Variants in PDE7A observed in about 807,000 individuals in gnomAD.
PDE7A encodes phosphodiesterase 7A, also known as high affinity 3',5'-cyclic-AMP phosphodiesterase 7A.
A neutral mutation model predicts 64.3 loss-of-function variants in PDE7A; 39 were observed. The observed-to-expected ratio is 0.61, with a 90% CI of 0.47 to 0.79. The LOEUF is 0.79. Among genes scored for constraint, PDE7A ranks in the 30% least tolerant of loss-of-function variants. The probability of loss-of-function intolerance (pLI) is 0.00; values close to 1 mark genes in which losing one functional copy is unlikely to be tolerated. For missense variants in PDE7A, 470 were observed against 582.8 expected (o/e 0.81, Z 1.99); for synonymous variants, 203 against 206.8 (o/e 0.98, Z 0.16).
At chr8:65,826,223 C>T (rs2128933430) in intron 1 of PDE7A, among the ~76,000 whole-genome samples, 1 of 152,316 alleles carries the variant, frequency 6.6e-6, no homozygotes, top group East Asian at 1.9e-4. Context: ...GTGATGAGAA[C>T]ACACTGATGT....
At chr8:65,786,344 C>T (rs1168639356) in intron 1 of PDE7A, among the ~76,000 whole-genome samples, 2 of 152,070 alleles carry the variant, frequency 1.3e-5, no homozygotes, top group African/African-American at 2.4e-5. Flanking sequence ...CTGAACCCAT[C>T]AACAAATACA....
chr8:65,744,328 T>G (rs972358669), intron 5 of PDE7A, among the ~76,000 whole-genome samples: 1 of 152,218 alleles, frequency 6.6e-6, no homozygotes, highest in Non-Finnish European at 1.5e-5. Flanking sequence ...CTAGAAAAGC[T>G]ACCCAAATAA....
At chr8:65,823,048 TTTTA>T (rs1216374000) in intron 1 of PDE7A, among the ~76,000 whole-genome samples, 7 of 152,118 alleles carry the variant, frequency 4.6e-5, no homozygotes, top group African/African-American at 1.2e-4. Flanking sequence ...AATCTTCAAG[TTTTA>T]TTTTTCTATT....
chr8:65,772,497 A>C (rs1308018438), intron 3 of PDE7A, among the ~76,000 whole-genome samples: 1 of 152,228 alleles, frequency 6.6e-6, no homozygotes, highest in Non-Finnish European at 1.5e-5. Flanking sequence ...CAAATTCCTA[A>C]TCCAAGGAAC....
At chr8:65,730,257 C>T (rs1048849948) in intron 7 of PDE7A, among the ~76,000 whole-genome samples, 2 of 141,652 alleles carry the variant, frequency 1.4e-5, no homozygotes, top group East Asian at 4.1e-4. Context: ...CACGGCTCAC[C>T]GAAACCTCCA....
chr8:65,724,461 G>A, intron 10 of PDE7A, 110 bp from the exon 11 acceptor site: 1 of 651,568 alleles, frequency 1.5e-6, no homozygotes, highest in Non-Finnish European at 2.6e-6. Flanking sequence ...AAATAAGCCA[G>A]AAATATAATT....
intron 1 of PDE7A, among the ~76,000 whole-genome samples, chr8:65,812,507 A>T (rs144083838): frequency 4.6e-5 from 7 of 152,186 alleles, no homozygotes; most frequent in Non-Finnish European, 1.0e-4. Flanking sequence ...TATTATCTTG[A>T]AGTAGTAAGG....
At chr8:65,776,266 CAT>C (rs1327913851) in intron 3 of PDE7A, among the ~76,000 whole-genome samples, 1 of 152,064 alleles carries the variant, frequency 6.6e-6, no homozygotes, top group Non-Finnish European at 1.5e-5. Flanking sequence ...ATCAAATATC[CAT>C]ATATGTGTGG....
At chr8:65,793,488 A>G (rs1212876049) in intron 1 of PDE7A, among the ~76,000 whole-genome samples, 2 of 151,424 alleles carry the variant, frequency 1.3e-5, no homozygotes, top group African/African-American at 4.8e-5. Flanking sequence ...GTTTCCTAAA[A>G]AAAAAAAAAA....
intron 9 of PDE7A, among the ~76,000 whole-genome samples, chr8:65,726,612 G>T (rs528270706): frequency 6.6e-6 from 1 of 152,114 alleles, no homozygotes; most frequent in Non-Finnish European, 1.5e-5. Flanking sequence ...AACTATGGCT[G>T]AGCAATTGTG....
intron 3 of PDE7A, among the ~76,000 whole-genome samples, chr8:65,776,160 G>A (rs993020134): frequency 2.6e-5 from 4 of 151,974 alleles, no homozygotes; most frequent in African/African-American, 9.7e-5. Flanking sequence ...TGCATGGTGT[G>A]AACAGGGTCC....
chr8:65,809,207 A>C (rs1232010694), intron 1 of PDE7A, among the ~76,000 whole-genome samples: 3 of 152,204 alleles, frequency 2.0e-5, no homozygotes, highest in African/African-American at 7.2e-5. Context: ...TATGAAGACT[A>C]TCAAATGAAA....
Position 65,841,694 on chromosome 8 carries a change from G to C in PDE7A, c.-186C>G, listed in dbSNP as rs913325662. 3.1e-5 allele frequency: 5 copies of C among 161,062 alleles called. No individual in the cohort carries two copies. The highest frequency in any genetic ancestry group is 1.3e-5 in the Non-Finnish European group (1 of 75,212). 10.0% of individuals were successfully genotyped at this position (161,062 alleles called of 1,614,324 possible). ...CCAGCCCTCCGCTCGGGCCGCCGGC[G>C]GGAAGGCTCCGCGGCGGCCGCGGCG... On this transcript the variant is annotated 5_prime_UTR_variant, in exon 1 of 13. Transcript: ENST00000401827.
intron 1 of PDE7A, among the ~76,000 whole-genome samples, chr8:65,808,744 C>G (rs566156032): frequency 3.3e-5 from 5 of 152,098 alleles, no homozygotes; most frequent in Admixed American, 6.5e-5. Flanking sequence ...AATTTTTGTC[C>G]GTGAGCACAA....
chr8:65,795,286 G>A (rs1209399513), intron 1 of PDE7A, among the ~76,000 whole-genome samples: 1 of 152,178 alleles, frequency 6.6e-6, no homozygotes, highest in Non-Finnish European at 1.5e-5. Context: ...CGCCAAACCT[G>A]AAAGCAAGGC....
intron 1 of PDE7A, among the ~76,000 whole-genome samples, chr8:65,791,942 TTAA>T (rs147319992): frequency 1.3e-5 from 2 of 152,148 alleles, no homozygotes; most frequent in Non-Finnish European, 2.9e-5. Context: ...TAATTAAATT[TTAA>T]TAATAATAAA....
rs1481381561 is a variant in PDE7A, at chr8:65,737,733, G to T, written c.595+1769C>A. Reference sequence around the variant, plus strand: ...GGGGTTTCACCATGTTGGCCAGGATGGTTTTGAACTCCTGGCCTCAAGTGA... The same window carrying T: ...GGGGTTTCACCATGTTGGCCAGGATTGTTTTGAACTCCTGGCCTCAAGTGA... On this transcript the variant is annotated intron_variant, in intron 6 of 12. Transcript: ENST00000401827. Among the ~76,000 whole-genome samples, 3 of 152,090 alleles carry T rather than the reference G, an allele frequency of 2.0e-5. No homozygotes were observed. The East Asian group carries it at 5.8e-4, about 29-fold the overall frequency.
chr8:65,738,061 A>AATATAGC (rs1263957643), intron 6 of PDE7A, among the ~76,000 whole-genome samples: 6 of 152,218 alleles, frequency 3.9e-5, no homozygotes, highest in African/African-American at 4.8e-5. Context: ...TGAATATTGC[A>AATATAGC]ATATAGCAAG....
intron 1 of PDE7A, among the ~76,000 whole-genome samples, chr8:65,824,539 G>A (rs1810621017): frequency 6.6e-6 from 1 of 152,168 alleles, no homozygotes; most frequent in Non-Finnish European, 1.5e-5. Flanking sequence ...TCATGAAAGG[G>A]AAAGTCCATC....
Sources: gnomAD v4.1 joint callset for allele counts (sites outside exome capture counted in the v4.1 genomes callset) on GRCh38, gnomAD v4.1.1 for gene constraint, MANE v1.5 for transcripts, NCBI Gene and HGNC (gene_info 2026-07-23, HGNC 2026-07-21) for gene names.